Variants in RBFOX1 observed in about 807,000 individuals in gnomAD.
RBFOX1 encodes RNA binding protein fox-1 homolog 1.
In RBFOX1, 8 loss-of-function variants were observed where a neutral mutation model predicts 57.7. The ratio of observed to expected loss-of-function variants is 0.14; its 90% CI spans 0.08 to 0.25. The LOEUF (loss-of-function observed/expected upper bound fraction) is 0.25, where lower values mean the gene tolerates loss of function less well. RBFOX1 is among the 10% of genes least tolerant of loss of function. The pLI is 1.00. For synonymous variants in RBFOX1, 326 were observed against 222.4 expected, an observed-to-expected ratio of 1.47 and a Z score of -4.15; for missense variants, 611 against 548.5, an observed-to-expected ratio of 1.11 and a Z score of -1.14.
chr16:5,830,086 A>G (rs1248189815), intron 3 of RBFOX1, among the ~76,000 whole-genome samples: 6 of 152,204 alleles, frequency 3.9e-5, no homozygotes, highest in Admixed American at 1.3e-4. Context: ...TCTTCAGGCT[A>G]GGATTGTCTA....
intron 3 of RBFOX1, among the ~76,000 whole-genome samples, chr16:6,849,345 G>GA (rs1478736677): frequency 6.6e-6 from 1 of 152,162 alleles, no homozygotes; most frequent in Non-Finnish European, 1.5e-5. Context: ...GACAAAAGTA[G>GA]AAAAAATATA....
intron 3 of RBFOX1, among the ~76,000 whole-genome samples, chr16:6,897,663 C>A (rs745996833): frequency 6.6e-6 from 1 of 151,628 alleles, no homozygotes; most frequent in African/African-American, 2.4e-5. Context: ...CTTGGTGGCA[C>A]GTGTCTGTAA....
chr16:6,382,053 G>A (rs890301663), intron 2 of RBFOX1, among the ~76,000 whole-genome samples: 4 of 152,210 alleles, frequency 2.6e-5, no homozygotes, highest in Non-Finnish European at 2.9e-5. Context: ...CCTTTGTAGC[G>A]TGAAAGCTGC....
At chr16:6,576,579 A>T (rs1382983393) in intron 2 of RBFOX1, among the ~76,000 whole-genome samples, 1 of 152,190 alleles carries the variant, frequency 6.6e-6, no homozygotes, top group Non-Finnish European at 1.5e-5. Context: ...GTTTTTACTG[A>T]GTCCTCTGAA....
chr16:5,472,870 C>G (rs368274320), intron 2 of RBFOX1, among the ~76,000 whole-genome samples: 3 of 152,236 alleles, frequency 2.0e-5, no homozygotes, highest in South Asian at 2.1e-4. Flanking sequence ...GGGTGTCTGA[C>G]TTCCAGAGGA....
At chr16:5,884,303 G>T (rs1370385933) in intron 4 of RBFOX1, among the ~76,000 whole-genome samples, 1 of 152,124 alleles carries the variant, frequency 6.6e-6, no homozygotes, top group Non-Finnish European at 1.5e-5. Flanking sequence ...TGTAACTCTG[G>T]AGTGGATAAG....
At chr16:5,288,249 C>T (rs972763676) in intron 1 of RBFOX1, among the ~76,000 whole-genome samples, 2 of 152,174 alleles carry the variant, frequency 1.3e-5, no homozygotes, top group Non-Finnish European at 2.9e-5. Flanking sequence ...TATATATAGT[C>T]TTTTACATGC....
At chr16:7,416,313 G>A (rs1012876162) in intron 4 of RBFOX1, among the ~76,000 whole-genome samples, 5 of 152,154 alleles carry the variant, frequency 3.3e-5, no homozygotes, top group African/African-American at 4.8e-5. Context: ...CTGAGCTTAC[G>A]GACAAGTCAA....
At chr16:5,475,573 G>T (rs893146401) in intron 2 of RBFOX1, among the ~76,000 whole-genome samples, 1 of 152,222 alleles carries the variant, frequency 6.6e-6, no homozygotes. Context: ...CATAGGTATA[G>T]TAATAGGTAA....
At chr16:7,442,048 G>A (rs539567085) in intron 4 of RBFOX1, among the ~76,000 whole-genome samples, 1 of 152,314 alleles carries the variant, frequency 6.6e-6, no homozygotes, top group East Asian at 1.9e-4. Flanking sequence ...ATGGGATCCT[G>A]GCACATAGCA....
intron 3 of RBFOX1, among the ~76,000 whole-genome samples, chr16:5,679,568 T>C (rs972566505): frequency 6.6e-6 from 1 of 152,174 alleles, no homozygotes; most frequent in Non-Finnish European, 1.5e-5. Context: ...GTGTTCTCAT[T>C]GTTCAACTCC....
intron 4 of RBFOX1, among the ~76,000 whole-genome samples, chr16:7,413,128 T>A (rs752426550): frequency 2.6e-5 from 4 of 152,210 alleles, no homozygotes; most frequent in African/African-American, 9.6e-5. Flanking sequence ...GAAGCAGTGA[T>A]GGGGAAAAAA....
intron 13 of RBFOX1, chr16:7,671,451 G>T: frequency 9.2e-7 from 1 of 1,092,744 alleles, no homozygotes; most frequent in South Asian, 1.4e-5. Flanking sequence ...AAGTAAGAGA[G>T]AAGCAAACTT....
intron 3 of RBFOX1, among the ~76,000 whole-genome samples, chr16:6,668,714 C>G (rs1017936596): frequency 7.2e-5 from 11 of 151,968 alleles, no homozygotes; most frequent in Non-Finnish European, 1.3e-4. Flanking sequence ...TTTGTCATCT[C>G]TTTGAAATTT....
At chr16:6,911,308 A>C (rs868558760) in intron 3 of RBFOX1, among the ~76,000 whole-genome samples, 4 of 152,128 alleles carry the variant, frequency 2.6e-5, no homozygotes, top group Middle Eastern at 3.4e-3. Flanking sequence ...TCGGCAACAG[A>C]AATGTTTTGC....
At chr16:7,365,249 A>C (rs1409549323) in intron 4 of RBFOX1, among the ~76,000 whole-genome samples, 1 of 152,228 alleles carries the variant, frequency 6.6e-6, no homozygotes, top group African/African-American at 2.4e-5. Context: ...AACAGATGAT[A>C]CACTCAATGG....
intron 6 of RBFOX1, among the ~76,000 whole-genome samples, chr16:7,583,472 A>G (rs1271831635): frequency 1.3e-5 from 2 of 152,234 alleles, no homozygotes; most frequent in African/African-American, 2.4e-5. Flanking sequence ...TGCACCCTAA[A>G]TAGAATGTTT....
At chr16:7,136,704 A>G (rs2072099282) in intron 4 of RBFOX1, among the ~76,000 whole-genome samples, 1 of 152,138 alleles carries the variant, frequency 6.6e-6, no homozygotes, top group African/African-American at 2.4e-5. Flanking sequence ...GGTGTGAGTC[A>G]CTTCACCTGG....
chr16:7,691,271 G>C (rs537072284), intron 14 of RBFOX1, among the ~76,000 whole-genome samples: 60 of 152,088 alleles, frequency 3.9e-4, no homozygotes, highest in African/African-American at 1.3e-3. Context: ...TGAAGAGGGT[G>C]AGTTGTCAAA....
Sources: allele counts gnomAD v4.1 joint callset (sites outside exome capture counted in the v4.1 genomes callset), GRCh38; gene constraint gnomAD v4.1.1; transcripts MANE v1.5; gene names NCBI Gene and HGNC (gene_info 2026-07-23, HGNC 2026-07-21).